SORCS2: variants seen among roughly 807,000 people sequenced by gnomAD.
SORCS2 encodes the protein VPS10 domain-containing receptor SorCS2.
A neutral mutation model predicts 141.6 loss-of-function variants in SORCS2; 100 were observed. The observed-to-expected ratio is 0.71, with a 90% CI of 0.60 to 0.83. The LOEUF (loss-of-function observed/expected upper bound fraction) is 0.83, where lower values mean the gene tolerates loss of function less well. Among genes scored for constraint, SORCS2 ranks in the 40% least tolerant of loss-of-function variants. The probability of loss-of-function intolerance (pLI) is 0.00; values close to 1 mark genes in which losing one functional copy is unlikely to be tolerated. For synonymous variants in SORCS2, 789 were observed against 676.9 expected (o/e 1.17, Z -2.57); for missense variants, 1,646 against 1,560.2 (o/e 1.05, Z -0.93).
chr4:7,470,595 C>G (rs1257667979), intron 2 of SORCS2, among the ~76,000 whole-genome samples: 2 of 151,890 alleles, frequency 1.3e-5, no homozygotes. Context: ...ATGGTCTGGG[C>G]GATGCTTGGA....
Position 7,726,782 on chromosome 4 carries a change from C to T in SORCS2, c.2748C>T (p.Pro916=). The change falls in exon 21 of 27, where the codon CCC becomes CCT. Residue 916 remains proline, a splice_region_variant and synonymous_variant. Coordinates refer to ENST00000507866, the MANE Select transcript of SORCS2 (RefSeq NM_020777.3). ...TAAGCCCTGCTGTGCCCCTGCAGCC[C>T]CTCCTTTCCCTGGATAATTCTGTGA... ...FYWWIGHSLQ[P]LLSLDNSVTT... The T allele has an allele frequency of 6.2e-7, 1 of 1,613,338 alleles. No individual in the cohort carries two copies. Among genetic ancestry groups the T allele is most frequent in the East Asian group, 2.2e-5 (1 of 44,852 alleles).
At chr4:7,225,950 C>G (rs1728964125) in intron 1 of SORCS2, among the ~76,000 whole-genome samples, 1 of 152,176 alleles carries the variant, frequency 6.6e-6, no homozygotes, top group Non-Finnish European at 1.5e-5. Context: ...GTGAACCTGT[C>G]AGAAGCCTGT....
intron 1 of SORCS2, among the ~76,000 whole-genome samples, chr4:7,385,735 C>T (rs1038757971): frequency 1.3e-5 from 2 of 152,214 alleles, no homozygotes; most frequent in Non-Finnish European, 2.9e-5. Flanking sequence ...CAGGCTCCTG[C>T]CTCGGGGGTA....
intron 1 of SORCS2, among the ~76,000 whole-genome samples, chr4:7,226,287 C>G (rs950358611): frequency 5.3e-5 from 8 of 152,178 alleles, no homozygotes; most frequent in African/African-American, 1.7e-4. Context: ...TGCAGCCAGC[C>G]TGAGGTCACA....
At chr4:7,593,406 C>A (rs1023399169) in intron 3 of SORCS2, among the ~76,000 whole-genome samples, 3 of 152,222 alleles carry the variant, frequency 2.0e-5, no homozygotes, top group Non-Finnish European at 4.4e-5. Flanking sequence ...CATTGGAAAG[C>A]AGGCTGTGAC....
intron 2 of SORCS2, among the ~76,000 whole-genome samples, chr4:7,478,285 G>A (rs972520395): frequency 1.3e-5 from 2 of 152,168 alleles, no homozygotes; most frequent in African/African-American, 2.4e-5. Context: ...CCTTTCAGGG[G>A]CTATGGGCAG....
chr4:7,329,928 G>A (rs898445014), intron 1 of SORCS2, among the ~76,000 whole-genome samples: 1 of 152,136 alleles, frequency 6.6e-6, no homozygotes, highest in African/African-American at 2.4e-5. Context: ...GGGTCGAGGA[G>A]CACCTGTTTG....
At chr4:7,263,969 C>T (rs1473055825) in intron 1 of SORCS2, among the ~76,000 whole-genome samples, 1 of 152,212 alleles carries the variant, frequency 6.6e-6, no homozygotes. Flanking sequence ...CTCACTGACT[C>T]ATTCATTCAC....
At chr4:7,219,170 C>CTGTG (rs57092836) in intron 1 of SORCS2, among the ~76,000 whole-genome samples, 117 of 150,740 alleles carry the variant, frequency 7.8e-4, no homozygotes, top group Admixed American at 1.2e-3. Flanking sequence ...TTTGTCTATG[C>CTGTG]TGTGTGTGTG....
intron 1 of SORCS2, among the ~76,000 whole-genome samples, chr4:7,321,855 T>C (rs948289660): frequency 2.0e-5 from 3 of 151,860 alleles, no homozygotes; most frequent in Non-Finnish European, 4.4e-5. Flanking sequence ...CTGAGGATAG[T>C]TCCCACCCTC....
intron 3 of SORCS2, among the ~76,000 whole-genome samples, chr4:7,592,573 A>G (rs1001419249): frequency 6.6e-6 from 1 of 152,242 alleles, no homozygotes; most frequent in East Asian, 1.9e-4. Flanking sequence ...GGCTAGGACC[A>G]TGAAAAGTCC....
chr4:7,547,578 C>T (rs1713356587), intron 3 of SORCS2, among the ~76,000 whole-genome samples: 1 of 152,252 alleles, frequency 6.6e-6, no homozygotes, highest in Non-Finnish European at 1.5e-5. Flanking sequence ...CTGGCCCCAC[C>T]TTCCCCACCC....
chr4:7,696,707 C>A (rs974394579), intron 11 of SORCS2, among the ~76,000 whole-genome samples: 33 of 152,192 alleles, frequency 2.2e-4, no homozygotes, highest in African/African-American at 7.2e-4. Flanking sequence ...AATGTCCACC[C>A]AGCAGATAGT....
Position 7,577,054 on chromosome 4 carries a change from C to T in SORCS2, c.648+45425C>T, listed in dbSNP as rs189806639. ...CTCTGCCATGTTTATTAGAATTCGGCAAGGAGAGGTTTAGGCACAGTCCTG... is the reference window on the plus strand; with the variant it reads ...CTCTGCCATGTTTATTAGAATTCGGTAAGGAGAGGTTTAGGCACAGTCCTG... On this transcript the variant is annotated intron_variant, in intron 3 of 26. Coordinates refer to ENST00000507866, the MANE Select transcript of SORCS2 (RefSeq NM_020777.3). Among the ~76,000 whole-genome samples the T allele has an allele frequency of 3.2e-3, 484 of 152,276 alleles. 3 individuals carry two copies. The highest frequency in any genetic ancestry group is 4.2e-3 in the Non-Finnish European group (289 of 68,042).
intron 1 of SORCS2, among the ~76,000 whole-genome samples, chr4:7,267,399 G>A (rs1275234180): frequency 1.3e-5 from 2 of 152,190 alleles, no homozygotes; most frequent in Admixed American, 6.5e-5. Flanking sequence ...AGGATGGGTC[G>A]AGTAGGGCGT....
chr4:7,417,007 G>A (rs1479630174), intron 2 of SORCS2, among the ~76,000 whole-genome samples: 1 of 152,190 alleles, frequency 6.6e-6, no homozygotes, highest in African/African-American at 2.4e-5. Flanking sequence ...GCAGAGCGGG[G>A]TCTCCTGCTC....
At chr4:7,256,740 G>A (rs1713905974) in intron 1 of SORCS2, among the ~76,000 whole-genome samples, 1 of 149,826 alleles carries the variant, frequency 6.7e-6, no homozygotes, top group Non-Finnish European at 1.5e-5. Flanking sequence ...ATGATGGGGG[G>A]TTGGGACTAT....
intron 1 of SORCS2, among the ~76,000 whole-genome samples, chr4:7,277,703 G>A (rs1015202751): frequency 2.0e-5 from 3 of 152,154 alleles, no homozygotes; most frequent in South Asian, 4.1e-4. Flanking sequence ...GGGGGTGGCC[G>A]TCTGCCCTGG....
chr4:7,425,800 G>C (rs115640280), intron 2 of SORCS2, among the ~76,000 whole-genome samples: 1 of 152,352 alleles, frequency 6.6e-6, no homozygotes, highest in Non-Finnish European at 1.5e-5. Context: ...CTGGAGAAAC[G>C]AGGAAGGGGC....
Sources: gnomAD v4.1 joint callset for allele counts (sites outside exome capture counted in the v4.1 genomes callset) on GRCh38, gnomAD v4.1.1 for gene constraint, MANE v1.5 for transcripts, NCBI Gene and HGNC (gene_info 2026-07-23, HGNC 2026-07-21) for gene names.